The following ELL3 variants were observed in gnomAD, a reference collection of about 807,000 sequenced individuals.
The protein encoded by ELL3 is RNA polymerase II elongation factor ELL3.
Under a neutral mutation model 58.5 loss-of-function variants are expected in ELL3, and 48 were observed. The ratio of observed to expected loss-of-function variants is 0.82; its 90% CI spans 0.65 to 1.04. The LOEUF is 1.04. Among genes scored for constraint, ELL3 ranks in the 50% least tolerant of loss-of-function variants. The pLI is 0.00. For missense variants in ELL3, 458 were observed against 478.4 expected (o/e 0.96, Z 0.40); for synonymous variants, 174 against 173.2 (o/e 1.00, Z -0.04).
At position 43,772,737 on chromosome 15, in the gene ELL3, T is replaced by G. The variant is rs899905467; in HGVS notation, c.*379A>C. On this transcript the variant is annotated 3_prime_UTR_variant, in exon 11 of 11. Transcript: ENST00000319359. Reference sequence around the variant, plus strand: ...TCTTTTAACTCTTATCAGAAGTTATTATTACTGTTTCCTTAGAGAGGCTAC... The same window carrying G: ...TCTTTTAACTCTTATCAGAAGTTATGATTACTGTTTCCTTAGAGAGGCTAC... 1.2e-5 allele frequency: 2 copies of G among 162,734 alleles called. No homozygotes were observed. The highest frequency in any genetic ancestry group is 2.7e-5 in the Non-Finnish European group (2 of 75,298). The allele number at this position is 162,734 out of a possible 1,614,324, so 10.1% of individuals were successfully genotyped here.
At chr15:43,775,031 C>T (rs976096831) in intron 6 of ELL3, among the ~76,000 whole-genome samples, 1 of 151,784 alleles carries the variant, frequency 6.6e-6, no homozygotes, top group East Asian at 1.9e-4. Flanking sequence ...GAGAATCGAG[C>T]CTAGGAGTTC....
At chr15:43,775,492 C>A in intron 5 of ELL3, 33 bp downstream of exon 5, 1 of 1,613,230 alleles carries the variant, frequency 6.2e-7, no homozygotes, top group South Asian at 1.1e-5. Flanking sequence ...AATGCCAAAG[C>A]TTCCCATGTT....
In ELL3 at chr15:43,774,311, A is replaced by C. The variant is rs368789985; in HGVS notation, c.909T>G (p.Tyr303Ter). 1.2e-6 allele frequency: 2 copies of C among 1,614,096 alleles called. No individual in the cohort carries two copies. Among genetic ancestry groups the C allele is most frequent in the African/African-American group, 2.7e-5 (2 of 74,932 alleles). ...CATAATCTGTCTCAAAGTCCTGCTC[A>C]TAGGCATGTTGCTGTTCTGCACTGT... Reference protein sequence around the residue: ...AIHSAEQQHAYEQDFETDYAE... With the variant: ...AIHSAEQQHA Residue 303 changes from tyrosine to a stop codon, truncating the protein, a stop_gained, in exon 9 of 11, where the codon TAT (tyrosine) becomes TAG (stop). Coordinates refer to ENST00000319359, the MANE Select transcript of ELL3 (RefSeq NM_025165.3). LOFTEE classifies it high-confidence loss of function.
intron 6 of ELL3, 130 bp from the exon 7 acceptor site, chr15:43,774,903 TG>T: frequency 2.0e-6 from 2 of 1,008,006 alleles, no homozygotes; most frequent in Non-Finnish European, 2.8e-6. Context: ...GAGGCTCAGG[TG>T]GGGGGATCGC....
At position 43,776,491 on chromosome 15, in the gene ELL3, C is replaced by T. The variant is rs1358487889; in HGVS notation, c.168+18G>A. 3 of 1,561,446 alleles carry T rather than the reference C, an allele frequency of 1.9e-6. No individual in the cohort carries two copies. Among genetic ancestry groups the T allele is most frequent in the African/African-American group, 1.4e-5 (1 of 73,686 alleles). On this transcript the variant is annotated intron_variant, in intron 2 of 10. Transcript: ENST00000319359. ...CCCTCGCCCTCACCTCGCTCACACA[C>T]CCTGAGCTCGCACTTACCCCTCGGT...
chr15:43,776,776 C>T lies in ELL3; in HGVS notation c.126G>A (p.Arg42=). Reference sequence around the variant, plus strand: ...AGAAGGGGGCCGGCCGTACCTGTTGCCGCTGACACTCTTGCAGCGCCCGCA... The same window carrying T: ...AGAAGGGGGCCGGCCGTACCTGTTGTCGCTGACACTCTTGCAGCGCCCGCA... The part of the protein sequence containing the change: ...AALRALQECQ[R]QQVRPVIAFQ... The change falls in exon 1 of 11, where the codon CGG becomes CGA. Residue 42 remains arginine, a synonymous_variant. Transcript: ENST00000319359. 2 of 1,604,326 alleles carry T rather than the reference C, an allele frequency of 1.2e-6. No homozygotes were observed. The highest frequency in any genetic ancestry group is 1.7e-6 in the Non-Finnish European group (2 of 1,173,680).
intron 2 of ELL3, 57 bp from the exon 3 acceptor site, chr15:43,776,208 C>G: frequency 6.7e-7 from 1 of 1,485,156 alleles, no homozygotes; most frequent in Non-Finnish European, 9.3e-7. Context: ...CCTCCTGCCG[C>G]CGCCACTCGT....
chr15:43,774,002 CA>C (rs1226330673), intron 9 of ELL3, among the ~76,000 whole-genome samples, 179 bp downstream of exon 9: 1 of 151,862 alleles, frequency 6.6e-6, no homozygotes, highest in Non-Finnish European at 1.5e-5. Flanking sequence ...ACTGTCCCCC[CA>C]AAAAAAGAAG....
At chr15:43,775,186 A>G (rs2086905175) in intron 6 of ELL3, 120 bp downstream of exon 6, 3 of 992,124 alleles carry the variant, frequency 3.0e-6, no homozygotes, top group Non-Finnish European at 2.9e-6. Context: ...AATTCCTCCC[A>G]TATAACGAGC....
chr15:43,776,620 G>C, intron 1 of ELL3, 76 bp from the exon 2 acceptor site: 1 of 1,550,778 alleles, frequency 6.4e-7, no homozygotes, highest in South Asian at 1.2e-5. Flanking sequence ...CGGAGCCCGG[G>C]ATCACCTGCC....
chr15:43,773,354 A>G lies in ELL3; in HGVS notation c.1039-6T>C. 1 of 1,614,096 alleles carries G rather than the reference A, an allele frequency of 6.2e-7. No individual in the cohort carries two copies. The highest frequency in any genetic ancestry group is 1.1e-5 in the South Asian group (1 of 91,080). ...ATTATCTTGTCTTCCAGGACCTGAA[A>G]CAGAAATTACTAGCACTGAGTTCAA... On this transcript the variant is annotated splice_region_variant and splice_polypyrimidine_tract_variant and intron_variant, in intron 9 of 10. Coordinates refer to ENST00000319359, the MANE Select transcript of ELL3 (RefSeq NM_025165.3).
At position 43,774,620 on chromosome 15, in the gene ELL3, C is replaced by A; in HGVS notation, c.799G>T (p.Glu267Ter). The change falls in exon 7 of 11, where the codon GAA (glutamate) becomes TAA (stop). Residue 267 changes from glutamate to a stop codon, truncating the protein, a stop_gained. Transcript: ENST00000319359. LOFTEE classifies it high-confidence loss of function. Reference protein sequence around the residue: ...QEDEDMDPRLEHSSSVQEDSE... With the variant: ...QEDEDMDPRL ...CCTTCTTGAACTGAGGAACTGTGTT[C>A]TAATCTGGGGTCCATGTCCTCATCT... 1 of 1,614,126 alleles carries A rather than the reference C, an allele frequency of 6.2e-7. No homozygotes were observed. The highest frequency in any genetic ancestry group is 8.5e-7 in the Non-Finnish European group (1 of 1,180,008).
rs1050635330 is a variant in ELL3, at chr15:43,774,774, C to G, written c.646-1G>C. On this transcript the variant is annotated splice_acceptor_variant, in intron 6 of 10. Coordinates refer to ENST00000319359, the MANE Select transcript of ELL3 (RefSeq NM_025165.3). LOFTEE classifies it high-confidence loss of function. ...CAGTGGCTACAGGCACTGAACGTTTCTGTTGAGGAAAATATCTGTGTGACA... is the reference window on the plus strand; with the variant it reads ...CAGTGGCTACAGGCACTGAACGTTTGTGTTGAGGAAAATATCTGTGTGACA... The G allele has an allele frequency of 6.3e-7, 1 of 1,591,148 alleles. No homozygotes were observed. Among genetic ancestry groups the G allele is most frequent in the Non-Finnish European group, 8.5e-7 (1 of 1,173,314 alleles).
Position 43,773,192 on chromosome 15 carries a change from C to A in ELL3, c.1118G>T (p.Cys373Phe), listed in dbSNP as rs1471715872. The change falls in exon 11 of 11, where the codon TGT (cysteine) becomes TTT (phenylalanine). Residue 373 changes from cysteine (C) to phenylalanine (F), a missense_variant. Physicochemically the swap from Cys to Phe is radical, Grantham distance 205. Transcript: ENST00000319359. ...YPSYREEKRR[C>F]EYLHQKLSHI... is the part of the protein sequence containing the mutation. Reference sequence around the variant, plus strand: ...GGACAATTTCTGGTGAAGGTACTCACAGCGACGCTTTTCTTCTCTGTAACT... The same window carrying A: ...GGACAATTTCTGGTGAAGGTACTCAAAGCGACGCTTTTCTTCTCTGTAACT... 4 of 1,613,924 alleles carry A rather than the reference C, an allele frequency of 2.5e-6. No individual in the cohort carries two copies. The highest frequency in any genetic ancestry group is 2.5e-6 in the Non-Finnish European group (3 of 1,179,996).
rs151327600 is a variant in ELL3 at position 43,775,369 on chromosome 15, A to G, written c.582T>C (p.His194=). ...CCTGAACAGGTTCTCTGTTTGGAAC[A>G]TGGGTCTGGCTTCTAGGATATTTTA... is the stretch of plus-strand genomic sequence containing the variant. ...MAQWEVRSQT[H]VPNREPVQAL... is the part of the protein sequence containing the mutation. Residue 194 remains histidine (H), a synonymous_variant, in exon 6 of 11, where the codon CAT becomes CAC. Transcript: ENST00000319359. The G allele has an allele frequency of 1.5e-4, 234 of 1,613,598 alleles. No homozygotes were observed. In the Middle Eastern group the frequency reaches 1.6e-3, roughly 11 times the overall value.
Position 43,773,721 on chromosome 15 carries a change from G to A in ELL3, c.1039-373C>T, listed in dbSNP as rs189264881. Reference sequence around the variant, plus strand: ...AAAAAGAAAAAAAAAAGAGAGAGGGGCCAGGCGCAGTGGCTCACACCTGTA... The same window carrying A: ...AAAAAGAAAAAAAAAAGAGAGAGGGACCAGGCGCAGTGGCTCACACCTGTA... On this transcript the variant is annotated intron_variant, in intron 9 of 10. Transcript: ENST00000319359. Among the ~76,000 whole-genome samples the A allele has an allele frequency of 1.8e-4, 27 of 151,798 alleles. 1 individual carries two copies. The highest frequency in any genetic ancestry group is 6.5e-4 in the African/African-American group (27 of 41,386).
chr15:43,776,032 C>A lies in ELL3; in HGVS notation c.281+7G>T. On this transcript the variant is annotated splice_region_variant and intron_variant, in intron 3 of 10. Coordinates refer to ENST00000319359, the MANE Select transcript of ELL3 (RefSeq NM_025165.3). ...CCCTTTCTTGCCGGCTACCTGTTCC[C>A]CCTCACCTGAGGAAGCGTTGGCACA... is the stretch of plus-strand genomic sequence containing the variant. The A allele has an allele frequency of 6.2e-7, 1 of 1,613,978 alleles. No individual in the cohort carries two copies. The highest frequency in any genetic ancestry group is 8.5e-7 in the Non-Finnish European group (1 of 1,179,948).
intron 6 of ELL3, 138 bp downstream of exon 6, chr15:43,775,168 T>C: frequency 1.3e-6 from 1 of 796,076 alleles, no homozygotes; most frequent in Non-Finnish European, 2.0e-6. Flanking sequence ...AGACCTTGTC[T>C]CTAAAAAAAT....
rs939557577 is a variant in ELL3 at position 43,773,156 on chromosome 15, C to G, written c.1154G>C (p.Gly385Ala). 3.1e-6 allele frequency: 5 copies of G among 1,613,610 alleles called. No individual in the cohort carries two copies. Among genetic ancestry groups the G allele is most frequent in the Admixed American group, 3.3e-5 (2 of 59,836 alleles). ...YLHQKLSHIK[G>A]LILEFEEKNR... ...CTTTTCCTCAAACTCCAGGATGAGA[C>G]CTTTAATGTGGGACAATTTCTGGTG... The change falls in exon 11 of 11, where the codon GGT becomes GCT. Residue 385 changes from glycine (G) to alanine (A), a missense_variant. Transcript: ENST00000319359.
Sources: allele counts gnomAD v4.1 joint callset (sites outside exome capture counted in the v4.1 genomes callset), GRCh38; gene constraint gnomAD v4.1.1; transcripts MANE v1.5; gene names NCBI Gene and HGNC (gene_info 2026-07-23, HGNC 2026-07-21).